ARHGAP26: variants seen among roughly 807,000 people sequenced by gnomAD.
ARHGAP26 encodes the protein Rho GTPase activating protein 26, also known as rho GTPase-activating protein 26.
In ARHGAP26, 38 loss-of-function variants were observed where a neutral mutation model predicts 104.8. The ratio of observed to expected loss-of-function variants is 0.36; its 90% CI spans 0.28 to 0.48. The LOEUF (loss-of-function observed/expected upper bound fraction) is 0.48. Among genes scored for constraint, ARHGAP26 ranks in the 20% least tolerant of loss-of-function variants. The pLI is 0.99. For missense variants in ARHGAP26, 704 were observed against 947.9 expected (o/e 0.74, Z 3.38); for synonymous variants, 341 against 340.0 (o/e 1.00, Z -0.03).
intron 11 of ARHGAP26, among the ~76,000 whole-genome samples, chr5:142,996,046 T>G (rs1453103022): frequency 1.3e-5 from 2 of 150,310 alleles, no homozygotes; most frequent in African/African-American, 4.9e-5. Flanking sequence ...TACTGGGGGG[T>G]GGGGAGCAAG....
At chr5:143,065,384 T>A (rs1438564823) in intron 17 of ARHGAP26, among the ~76,000 whole-genome samples, 1 of 152,182 alleles carries the variant, frequency 6.6e-6, no homozygotes, top group Non-Finnish European at 1.5e-5. Flanking sequence ...TTACATTGAC[T>A]GGTTACTCAC....
intron 1 of ARHGAP26, among the ~76,000 whole-genome samples, chr5:142,822,546 C>T (rs1352215474): frequency 1.3e-5 from 2 of 152,000 alleles, no homozygotes. Flanking sequence ...CACAAATACA[C>T]ACACATGGTG....
intron 14 of ARHGAP26, among the ~76,000 whole-genome samples, chr5:143,050,694 A>G (rs1784882220): frequency 6.6e-6 from 1 of 152,236 alleles, no homozygotes; most frequent in Non-Finnish European, 1.5e-5. Flanking sequence ...AGCCTACTGG[A>G]GTAGGGGAAC....
At chr5:143,013,174 A>T (rs1274515710) in intron 11 of ARHGAP26, among the ~76,000 whole-genome samples, 1 of 152,234 alleles carries the variant, frequency 6.6e-6, no homozygotes, top group Non-Finnish European at 1.5e-5. Flanking sequence ...CTCTTAAAAA[A>T]AACTTATTCT....
intron 1 of ARHGAP26, among the ~76,000 whole-genome samples, chr5:142,815,128 G>C (rs1764848774): frequency 6.6e-6 from 1 of 152,064 alleles, no homozygotes; most frequent in Non-Finnish European, 1.5e-5. Flanking sequence ...AGCCTCCCAA[G>C]TAGCTGGGAT....
rs926622833 is a variant in ARHGAP26 at position 143,019,268 on chromosome 5, G to A, written c.1144+5152G>A. On this transcript the variant is annotated intron_variant, in intron 12 of 22. Coordinates refer to ENST00000645722, the MANE Select transcript of ARHGAP26 (RefSeq NM_001135608.3). ...AAAGTATGATATTGTTTCTTCTTAA[G>A]CTTTTTTTTTTGAGGAAGTGGTCAC... Among the ~76,000 whole-genome samples the A allele has an allele frequency of 2.0e-5, 3 of 151,926 alleles. No individual in the cohort carries two copies. The East Asian group carries it at 5.8e-4, about 29-fold the overall frequency.
intron 12 of ARHGAP26, among the ~76,000 whole-genome samples, chr5:143,025,701 G>T (rs973909567): frequency 6.6e-6 from 1 of 152,186 alleles, no homozygotes; most frequent in Non-Finnish European, 1.5e-5. Context: ...TGCAGAAGTA[G>T]AAACCCACAA....
intron 22 of ARHGAP26, chr5:143,216,799 G>T (rs1810408608): frequency 6.5e-6 from 1 of 153,590 alleles, no homozygotes; most frequent in African/African-American, 2.4e-5. Context: ...TCTCAGTGTT[G>T]ACTGAGTTGC....
At chr5:143,077,217 C>T (rs757163706) in intron 17 of ARHGAP26, among the ~76,000 whole-genome samples, 1 of 152,128 alleles carries the variant, frequency 6.6e-6, no homozygotes, top group South Asian at 2.1e-4. Flanking sequence ...TTACCATGAA[C>T]TGTAAAAGAG....
intron 11 of ARHGAP26, among the ~76,000 whole-genome samples, chr5:142,987,427 C>T (rs1048361251): frequency 6.6e-6 from 1 of 152,220 alleles, no homozygotes; most frequent in African/African-American, 2.4e-5. Context: ...AATATACAAT[C>T]ATGTCATCTG....
intron 20 of ARHGAP26, chr5:143,192,713 A>G (rs1343923371): frequency 1.3e-5 from 2 of 152,274 alleles, no homozygotes; most frequent in East Asian, 3.9e-4. Flanking sequence ...AGCTTAAGGG[A>G]AAAAAATGGA....
At chr5:143,065,295 C>T (rs2150345237) in intron 17 of ARHGAP26, among the ~76,000 whole-genome samples, 1 of 152,238 alleles carries the variant, frequency 6.6e-6, no homozygotes, top group South Asian at 2.1e-4. Context: ...TTCGCTCACA[C>T]TGTTTTGGGC....
At chr5:142,851,490 T>C (rs1042848619) in intron 1 of ARHGAP26, among the ~76,000 whole-genome samples, 1 of 152,260 alleles carries the variant, frequency 6.6e-6, no homozygotes, top group African/African-American at 2.4e-5. Flanking sequence ...GATTGTAATT[T>C]TAGTAGTTCA....
intron 11 of ARHGAP26, among the ~76,000 whole-genome samples, chr5:142,957,515 T>C (rs1190298487): frequency 2.0e-5 from 3 of 152,210 alleles, no homozygotes; most frequent in Admixed American, 1.3e-4. Context: ...CTTTGTACCA[T>C]TGGTAATAAG....
intron 1 of ARHGAP26, among the ~76,000 whole-genome samples, chr5:142,796,548 C>G (rs1761021393): frequency 6.6e-6 from 1 of 152,180 alleles, no homozygotes. Flanking sequence ...AGAAAAAAGT[C>G]TTTGGAGGCA....
rs528897008 is a variant in ARHGAP26 at position 142,879,158 on chromosome 5, A to G, written c.313-216A>G. Among the ~76,000 whole-genome samples the G allele has an allele frequency of 7.2e-5, 11 of 152,264 alleles. No homozygotes were observed. In the East Asian group the frequency reaches 7.7e-4, roughly 11 times the overall value. ...TTTTACTTTTAAATAATCAGTATTA[A>G]TCATGCATGGGAGGAAGATTATCAT... On this transcript the variant is annotated intron_variant, in intron 3 of 22. Transcript: ENST00000645722.
At chr5:142,786,170 T>TG (rs568124696) in intron 1 of ARHGAP26, among the ~76,000 whole-genome samples, 8 of 150,800 alleles carry the variant, frequency 5.3e-5, no homozygotes, top group Non-Finnish European at 7.4e-5. Flanking sequence ...TTTGTAGCGA[T>TG]GGGGGTCTCA....
intron 17 of ARHGAP26, among the ~76,000 whole-genome samples, chr5:143,105,614 T>G (rs755669040): frequency 2.2e-4 from 34 of 152,160 alleles, no homozygotes; most frequent in Non-Finnish European, 4.4e-4. Flanking sequence ...TGTACAGGTA[T>G]ATAAGTACAT....
rs1027037353 is a variant in ARHGAP26 at position 142,944,194 on chromosome 5, C to G, written c.1107+12069C>G. Reference sequence around the variant, plus strand: ...CAGAGCTTCTCCTGTGTGTTTACTCCTATACCTGCACATCTAGAAATAAAC... The same window carrying G: ...CAGAGCTTCTCCTGTGTGTTTACTCGTATACCTGCACATCTAGAAATAAAC... On this transcript the variant is annotated intron_variant, in intron 11 of 22. Transcript: ENST00000645722. Among the ~76,000 whole-genome samples the G allele has an allele frequency of 2.6e-5, 4 of 152,182 alleles. 1 individual carries two copies. The highest frequency in any genetic ancestry group is 5.9e-5 in the Non-Finnish European group (4 of 68,032).
Sources: gnomAD v4.1 joint callset for allele counts (sites outside exome capture counted in the v4.1 genomes callset) on GRCh38, gnomAD v4.1.1 for gene constraint, MANE v1.5 for transcripts, NCBI Gene and HGNC (gene_info 2026-07-23, HGNC 2026-07-21) for gene names.